ANGPT1: variants seen among roughly 807,000 people sequenced by gnomAD.
The protein encoded by ANGPT1 is angiopoietin-1.
Under a neutral mutation model 62.2 loss-of-function variants are expected in ANGPT1, and 17 were observed. The observed-to-expected ratio is 0.27, with a 90% CI of 0.19 to 0.41. The LOEUF (loss-of-function observed/expected upper bound fraction) is 0.41. ANGPT1 is among the 10% of genes least tolerant of loss of function. ANGPT1 has a pLI of 1.00. For synonymous variants in ANGPT1, 199 were observed against 198.9 expected (o/e 1.00, Z 0.00); for missense variants, 478 against 594.9 (o/e 0.80, Z 2.04).
In ANGPT1 at chr8:107,249,803, T is replaced by C. The variant is rs980923881; in HGVS notation, c.*2052A>G. 2.0e-5 allele frequency: 3 copies of C among 152,302 alleles called. No homozygotes were observed. In the South Asian group the frequency reaches 6.2e-4, roughly 31 times the overall value. 9.4% of individuals were successfully genotyped at this position (152,302 alleles called of 1,614,324 possible). A position where few individuals can be genotyped will look rare whatever the true frequency, so the allele number is the denominator to read the frequency against. The stretch of plus-strand genomic sequence containing the variant: ...TTTATTTTGTTTTTGTAATATGAGT[T>C]TGGAAATAGTATTCTTTATCCAAAA... On this transcript the variant is annotated 3_prime_UTR_variant, in exon 9 of 9. Coordinates refer to ENST00000517746, the MANE Select transcript of ANGPT1 (RefSeq NM_001146.5).
chr8:107,342,750 C>T (rs1163674657), intron 2 of ANGPT1, among the ~76,000 whole-genome samples: 1 of 150,678 alleles, frequency 6.6e-6, no homozygotes, highest in Non-Finnish European at 1.5e-5. Flanking sequence ...AAGATTCATG[C>T]TCATTGAACA....
At chr8:107,257,884 T>G (rs1355882578) in intron 8 of ANGPT1, among the ~76,000 whole-genome samples, 976 of 95,634 alleles carry the variant, frequency 0.01, 17 homozygotes, top group African/African-American at 0.034. Flanking sequence ...TTGTTTCTTT[T>G]TTGTTTGTTT....
chr8:107,380,154 A>G (rs1325522879), intron 1 of ANGPT1, among the ~76,000 whole-genome samples: 1 of 152,190 alleles, frequency 6.6e-6, no homozygotes, highest in Non-Finnish European at 1.5e-5. Context: ...TACTAGGAAA[A>G]TGTTAACACA....
In ANGPT1 at chr8:107,475,769, G is replaced by A. The variant is rs528537275; in HGVS notation, c.297+21493C>T. On this transcript the variant is annotated intron_variant, in intron 1 of 8. Coordinates refer to ENST00000517746, the MANE Select transcript of ANGPT1 (RefSeq NM_001146.5). Reference sequence around the variant, plus strand: ...AAGCAAACAATCCCATCAAAAAGTGGGTGAAGGATATGAACAGACACTTCT... The same window carrying A: ...AAGCAAACAATCCCATCAAAAAGTGAGTGAAGGATATGAACAGACACTTCT... Among the ~76,000 whole-genome samples the A allele has an allele frequency of 2.6e-5, 4 of 152,228 alleles. No individual in the cohort carries two copies. In the East Asian group the frequency reaches 5.8e-4, roughly 22 times the overall value.
chr8:107,380,638 A>G (rs1395616338), intron 1 of ANGPT1, among the ~76,000 whole-genome samples: 1 of 152,156 alleles, frequency 6.6e-6, no homozygotes, highest in Non-Finnish European at 1.5e-5. Flanking sequence ...TATTGTTTCA[A>G]CCAATAGCAT....
intron 1 of ANGPT1, among the ~76,000 whole-genome samples, chr8:107,386,484 A>C (rs1277262603): frequency 2.0e-5 from 3 of 152,116 alleles, no homozygotes; most frequent in Admixed American, 6.6e-5. Flanking sequence ...GTACTTCACA[A>C]ACTGCTGGTA....
intron 1 of ANGPT1, among the ~76,000 whole-genome samples, chr8:107,432,557 G>C (rs891513437): frequency 6.6e-6 from 1 of 151,744 alleles, no homozygotes; most frequent in East Asian, 1.9e-4. Flanking sequence ...CCAGCTACTC[G>C]GGAGGCTGAG....
At chr8:107,311,146 TGGATCATTGAAAGTACGTGTGTATG>T (rs2130012990) in intron 4 of ANGPT1, among the ~76,000 whole-genome samples, 1 of 151,806 alleles carries the variant, frequency 6.6e-6, no homozygotes, top group South Asian at 2.1e-4. Context: ...GACAAGGAAT[TGGATCATTGAAAGTACGTGTGTATG>T]TGTGTGAGGA....
chr8:107,314,922 T>A (rs1210158900), intron 4 of ANGPT1, among the ~76,000 whole-genome samples: 1 of 152,228 alleles, frequency 6.6e-6, no homozygotes, highest in Non-Finnish European at 1.5e-5. Context: ...CTCAAGGGAC[T>A]TGCAGTTCAA....
chr8:107,438,718 A>C (rs1020908154), intron 1 of ANGPT1, among the ~76,000 whole-genome samples: 10 of 152,126 alleles, frequency 6.6e-5, no homozygotes, highest in Non-Finnish European at 1.5e-5. Context: ...GTTGACAAAA[A>C]CCACTCCAGA....
chr8:107,274,025 C>A (rs767083138), intron 7 of ANGPT1, among the ~76,000 whole-genome samples: 5 of 151,744 alleles, frequency 3.3e-5, no homozygotes, highest in Non-Finnish European at 7.4e-5. Context: ...ACTTTTGAGT[C>A]AACTATTCCA....
chr8:107,256,440 AT>A (rs1200841763), intron 8 of ANGPT1, among the ~76,000 whole-genome samples: 1 of 152,176 alleles, frequency 6.6e-6, no homozygotes, highest in Non-Finnish European at 1.5e-5. Flanking sequence ...GGTTTAAAGC[AT>A]TTTTTCAATG....
At chr8:107,477,850 T>A (rs1466849952) in intron 1 of ANGPT1, among the ~76,000 whole-genome samples, 1 of 152,134 alleles carries the variant, frequency 6.6e-6, no homozygotes, top group African/African-American at 2.4e-5. Flanking sequence ...CCAATTTCTT[T>A]CTCTGTAATT....
chr8:107,430,362 A>G (rs958813279), intron 1 of ANGPT1, among the ~76,000 whole-genome samples: 7 of 152,228 alleles, frequency 4.6e-5, no homozygotes, highest in African/African-American at 1.4e-4. Context: ...TGCAGCCTGC[A>G]GCACCTTGTC....
At chr8:107,394,948 G>C (rs1816906846) in intron 1 of ANGPT1, among the ~76,000 whole-genome samples, 1 of 151,942 alleles carries the variant, frequency 6.6e-6, no homozygotes, top group Non-Finnish European at 1.5e-5. Flanking sequence ...GTTTGACATA[G>C]TGATCCAGTT....
At chr8:107,261,249 CA>C (rs1455277934) in intron 8 of ANGPT1, among the ~76,000 whole-genome samples, 1 of 143,918 alleles carries the variant, frequency 6.9e-6, no homozygotes, top group Non-Finnish European at 1.5e-5. Context: ...GGAAAAAGCT[CA>C]AGACCTACCT....
At chr8:107,258,192 C>T (rs984563458) in intron 8 of ANGPT1, among the ~76,000 whole-genome samples, 5 of 151,974 alleles carry the variant, frequency 3.3e-5, no homozygotes, top group Admixed American at 1.3e-4. Context: ...CTTTGAATGT[C>T]ATCCCTTTTA....
intron 1 of ANGPT1, among the ~76,000 whole-genome samples, chr8:107,476,183 C>T (rs1320988061): frequency 1.3e-5 from 2 of 152,120 alleles, no homozygotes; most frequent in Non-Finnish European, 2.9e-5. Context: ...TTAGAACCAA[C>T]CCAAATGCCC....
At chr8:107,453,573 T>C (rs1044273930) in intron 1 of ANGPT1, among the ~76,000 whole-genome samples, 7 of 152,000 alleles carry the variant, frequency 4.6e-5, no homozygotes, top group African/African-American at 1.4e-4. Context: ...CATGATTCAA[T>C]TACTTCCCAC....
Sources: allele counts gnomAD v4.1 joint callset (sites outside exome capture counted in the v4.1 genomes callset), GRCh38; gene constraint gnomAD v4.1.1; transcripts MANE v1.5; gene names NCBI Gene and HGNC (gene_info 2026-07-23, HGNC 2026-07-21).